GPC5: variants seen among roughly 807,000 people sequenced by gnomAD.
GPC5 encodes glypican 5, also known as glypican-5.
In GPC5, 47 loss-of-function variants were observed where a neutral mutation model predicts 53.9. The observed-to-expected ratio is 0.87, with a 90% CI of 0.69 to 1.11. The LOEUF is 1.11. Among genes scored for constraint, GPC5 ranks in the 50% most tolerant of loss-of-function variants. The probability of loss-of-function intolerance (pLI) is 0.00; values close to 1 mark genes in which losing one functional copy is unlikely to be tolerated. For synonymous variants in GPC5, 286 were observed against 263.3 expected (o/e 1.09, Z -0.84); for missense variants, 748 against 713.1 (o/e 1.05, Z -0.56).
intron 7 of GPC5, among the ~76,000 whole-genome samples, chr13:92,764,131 G>A (rs1312120553): frequency 6.6e-6 from 1 of 152,188 alleles, no homozygotes; most frequent in Non-Finnish European, 1.5e-5. Context: ...CGGTTTTCTA[G>A]AAGGCAATGT....
At chr13:92,418,056 G>T (rs1034028167) in intron 7 of GPC5, among the ~76,000 whole-genome samples, 1 of 152,168 alleles carries the variant, frequency 6.6e-6, no homozygotes, top group African/African-American at 2.4e-5. Flanking sequence ...GACAGAAAAG[G>T]TCAAATATAT....
At chr13:92,175,651 TA>T (rs1443105665) in intron 7 of GPC5, among the ~76,000 whole-genome samples, 6 of 152,228 alleles carry the variant, frequency 3.9e-5, no homozygotes, top group African/African-American at 1.2e-4. Context: ...AAAAGTCACT[TA>T]AAAAAACTCA....
Position 91,641,369 on chromosome 13 carries a change from A to G in GPC5, c.326-51818A>G, listed in dbSNP as rs556258398. ...AAAACAAAACAAACAAACCAAAAAA[A>G]CCAAACACTGCATGTTCTCGTTTAT... On this transcript the variant is annotated intron_variant, in intron 2 of 7. Transcript: ENST00000377067. 2.8e-4 allele frequency among the ~76,000 whole-genome samples: 43 copies of G among 152,124 alleles called. 1 individual carries two copies. Among genetic ancestry groups the G allele is most frequent in the South Asian group, 1.2e-3 (6 of 4,812 alleles).
At chr13:92,656,869 T>C (rs1363837770) in intron 7 of GPC5, among the ~76,000 whole-genome samples, 2 of 152,196 alleles carry the variant, frequency 1.3e-5, no homozygotes, top group Admixed American at 1.3e-4. Context: ...GGACAGAGGA[T>C]GGCTTGAGCC....
At chr13:92,347,385 T>C (rs987939306) in intron 7 of GPC5, among the ~76,000 whole-genome samples, 5 of 152,208 alleles carry the variant, frequency 3.3e-5, no homozygotes, top group African/African-American at 1.2e-4. Flanking sequence ...GGATGACATA[T>C]TCAAAGTGCT....
intron 6 of GPC5, among the ~76,000 whole-genome samples, chr13:91,960,754 G>A (rs2040118925): frequency 2.0e-5 from 3 of 151,804 alleles, no homozygotes; most frequent in South Asian, 2.1e-4. Context: ...ATCTACATAT[G>A]TACAGCTACA....
chr13:91,792,353 A>G (rs1331985321), intron 5 of GPC5, among the ~76,000 whole-genome samples: 2 of 152,182 alleles, frequency 1.3e-5, no homozygotes, highest in Non-Finnish European at 2.9e-5. Context: ...TGATAGTCTC[A>G]ACTTGCAATT....
intron 2 of GPC5, among the ~76,000 whole-genome samples, chr13:91,561,947 A>G (rs1014893974): frequency 2.0e-5 from 3 of 152,166 alleles, no homozygotes; most frequent in African/African-American, 7.2e-5. Context: ...CTTGAATGCC[A>G]TCTACTTTGT....
chr13:91,521,521 T>C (rs1885815525), intron 2 of GPC5, among the ~76,000 whole-genome samples: 1 of 152,236 alleles, frequency 6.6e-6, no homozygotes, highest in Non-Finnish European at 1.5e-5. Flanking sequence ...CCTGTCAACA[T>C]AGAATTCCTT....
At chr13:92,200,562 A>G (rs2042287145) in intron 7 of GPC5, among the ~76,000 whole-genome samples, 1 of 152,226 alleles carries the variant, frequency 6.6e-6, no homozygotes, top group South Asian at 2.1e-4. Context: ...ATTTTCTGTT[A>G]TGTTCCAAAC....
chr13:91,639,941 T>C (rs1357831149), intron 2 of GPC5, among the ~76,000 whole-genome samples: 2 of 152,172 alleles, frequency 1.3e-5, no homozygotes, highest in African/African-American at 4.8e-5. Flanking sequence ...ACCTAAGTCC[T>C]TCAGATTCCA....
chr13:92,646,930 A>ATGTG (rs753380099), intron 7 of GPC5, among the ~76,000 whole-genome samples: 2,740 of 146,538 alleles, frequency 0.019, 72 homozygotes, highest in African/African-American at 0.055. Flanking sequence ...ATATATAAAC[A>ATGTG]TGTGTGTGTG....
intron 7 of GPC5, among the ~76,000 whole-genome samples, chr13:92,367,171 G>A (rs563724739): frequency 3.3e-5 from 5 of 151,882 alleles, no homozygotes; most frequent in South Asian, 4.2e-4. Flanking sequence ...AAAAATCCTC[G>A]GGCAGATAGC....
chr13:92,601,625 T>C (rs1884063237), intron 7 of GPC5, among the ~76,000 whole-genome samples: 1 of 151,692 alleles, frequency 6.6e-6, no homozygotes, highest in Admixed American at 6.6e-5. Context: ...AGGCATTACA[T>C]TGTTCTTAAA....
chr13:91,433,585 T>C (rs2139034014), intron 1 of GPC5, among the ~76,000 whole-genome samples: 1 of 152,340 alleles, frequency 6.6e-6, no homozygotes, highest in South Asian at 2.1e-4. Flanking sequence ...CACATTTTCT[T>C]AATCCAGTCT....
At chr13:92,704,268 C>G (rs1887865690) in intron 7 of GPC5, among the ~76,000 whole-genome samples, 1 of 151,986 alleles carries the variant, frequency 6.6e-6, no homozygotes. Context: ...TAAAAAATTG[C>G]AGCCACAGTT....
chr13:92,419,647 A>G (rs1876472745), intron 7 of GPC5, among the ~76,000 whole-genome samples: 1 of 152,220 alleles, frequency 6.6e-6, no homozygotes, highest in Non-Finnish European at 1.5e-5. Flanking sequence ...ATATTTGACA[A>G]TTATTGAAAA....
intron 7 of GPC5, among the ~76,000 whole-genome samples, chr13:92,766,246 T>C (rs1875399018): frequency 6.6e-6 from 1 of 152,122 alleles, no homozygotes. Context: ...AGAACTCAAA[T>C]TGCAAAATCC....
intron 3 of GPC5, among the ~76,000 whole-genome samples, chr13:91,708,205 A>G (rs971491732): frequency 6.6e-6 from 1 of 152,186 alleles, no homozygotes; most frequent in Admixed American, 6.6e-5. Context: ...GGGAGGACAT[A>G]GTCTTAAAGT....
Sources: gnomAD v4.1 joint callset for allele counts (sites outside exome capture counted in the v4.1 genomes callset) on GRCh38, gnomAD v4.1.1 for gene constraint, MANE v1.5 for transcripts, NCBI Gene and HGNC (gene_info 2026-07-23, HGNC 2026-07-21) for gene names.